Variants in SPATA31F1 observed in about 807,000 individuals in gnomAD.
SPATA31F1 encodes protein SPATA31F1.
chr9:34,729,204 G>T, the SPATA31F1 span: 1 of 1,445,806 alleles, frequency 6.9e-7, no homozygotes, highest in Non-Finnish European at 9.2e-7. Flanking sequence ...TTCTGGGGTG[G>T]GGATTATAAG....
chr9:34,729,157 G>T, the SPATA31F1 span: 1 of 1,156,870 alleles, frequency 8.6e-7, no homozygotes, highest in Non-Finnish European at 1.2e-6. Context: ...GAGAAGAAAA[G>T]TATTACACAA....
the SPATA31F1 span, chr9:34,723,233 T>C: frequency 6.4e-7 from 1 of 1,551,084 alleles, no homozygotes; most frequent in Non-Finnish European, 8.7e-7. Context: ...GGTCAGGAGC[T>C]AGGTTGGGTG....
chr9:34,724,097 C>G, the SPATA31F1 span: 9 of 1,528,324 alleles, frequency 5.9e-6, no homozygotes, highest in South Asian at 1.1e-4. Context: ...TGGGTCCTCT[C>G]TGTTTCCTGC....
At chr9:34,723,442 C>G in the SPATA31F1 span, 28 of 1,551,768 alleles carry the variant, frequency 1.8e-5, no homozygotes, top group South Asian at 3.2e-4. Context: ...TCGGCTTCTC[C>G]GTCTTACTTC....
At chr9:34,726,630 G>C in the SPATA31F1 span, 1 of 1,551,754 alleles carries the variant, frequency 6.4e-7, no homozygotes, top group South Asian at 1.2e-5. Flanking sequence ...TCCTGCCCTA[G>C]CTGGAGGTGA....
chr9:34,723,756 A>G, the SPATA31F1 span: 2 of 1,551,708 alleles, frequency 1.3e-6, no homozygotes, highest in Admixed American at 2.0e-5. Context: ...GCCTGGGGCA[A>G]CACAGTCTGG....
At chr9:34,726,770 G>T in the SPATA31F1 span, 3 of 1,551,562 alleles carry the variant, frequency 1.9e-6, no homozygotes, top group African/African-American at 4.1e-5. Flanking sequence ...GGTGTGCCAG[G>T]AATGAAACTC....
At chr9:34,723,449 C>A in the SPATA31F1 span, 15 of 1,551,800 alleles carry the variant, frequency 9.7e-6, no homozygotes, top group Non-Finnish European at 1.2e-5. Context: ...CTCCGTCTTA[C>A]TTCTCCCCAC....
chr9:34,725,070 G>A, the SPATA31F1 span: 1 of 1,551,882 alleles, frequency 6.4e-7, no homozygotes, highest in South Asian at 1.2e-5. Context: ...GCTGTCTGCA[G>A]TTCCAGGAAC....
chr9:34,726,808 C>T, the SPATA31F1 span: 23 of 1,551,630 alleles, frequency 1.5e-5, no homozygotes, highest in East Asian at 7.3e-5. Context: ...ACATACTAGA[C>T]GTAGACAGCA....
the SPATA31F1 span, chr9:34,729,258 T>C: frequency 1.3e-6 from 2 of 1,545,234 alleles, no homozygotes; most frequent in Non-Finnish European, 8.7e-7. Flanking sequence ...GAGGCTTAAT[T>C]AGTTCAGTTG....
chr9:34,724,804 C>G, the SPATA31F1 span: 23 of 1,551,300 alleles, frequency 1.5e-5, no homozygotes, highest in Admixed American at 3.9e-5. Flanking sequence ...TAGGCTCCAT[C>G]TCTGTGATGA....
the SPATA31F1 span, chr9:34,727,036 T>C: frequency 6.6e-7 from 1 of 1,519,968 alleles, no homozygotes; most frequent in South Asian, 1.3e-5. Flanking sequence ...ACATCTGCCT[T>C]CTTGGAAGAG....
At chr9:34,724,428 C>T in the SPATA31F1 span, 3 of 1,551,134 alleles carry the variant, frequency 1.9e-6, no homozygotes, top group African/African-American at 1.4e-5. Context: ...AGCAATGTCT[C>T]CCCTTGGTGG....
At chr9:34,723,614 G>C in the SPATA31F1 span, 1 of 1,551,738 alleles carries the variant, frequency 6.4e-7, no homozygotes, top group South Asian at 1.2e-5. Context: ...TCTGAAGCTA[G>C]ACTCTGTAAG....
At chr9:34,726,984 C>T in the SPATA31F1 span, 7 of 1,545,332 alleles carry the variant, frequency 4.5e-6, no homozygotes, top group Non-Finnish European at 8.8e-7. Flanking sequence ...GGAAGCCAGC[C>T]CTGGCTAGGA....
At chr9:34,729,169 G>A in the SPATA31F1 span, 6 of 1,242,202 alleles carry the variant, frequency 4.8e-6, no homozygotes, top group Non-Finnish European at 6.6e-6. Context: ...ATTACACAAA[G>A]GTAACTGAAA....
At chr9:34,725,005 A>T in the SPATA31F1 span, 15 of 1,551,916 alleles carry the variant, frequency 9.7e-6, no homozygotes, top group African/African-American at 4.1e-5. Flanking sequence ...GTTGCTGCTG[A>T]TCAAGGGCCG....
chr9:34,723,664 A>C, the SPATA31F1 span: 1 of 1,551,664 alleles, frequency 6.4e-7, no homozygotes, highest in African/African-American at 1.4e-5. Context: ...TCACCAGCCC[A>C]TGCAAAACTT....
Sources: allele counts gnomAD v4.1 joint callset, GRCh38; gene constraint gnomAD v4.1.1; transcripts MANE v1.5; gene names NCBI Gene and HGNC (gene_info 2026-07-23, HGNC 2026-07-21).